Variants in LYRM4 observed in about 807,000 individuals in gnomAD.
LYRM4 encodes the protein LYR motif containing 4.
LYRM4 carries 9 observed loss-of-function variants against 11.7 expected under a neutral mutation model. The ratio of observed to expected loss-of-function variants is 0.77; its 90% confidence interval spans 0.46 to 1.34. LYRM4 has a LOEUF of 1.34. LYRM4 is among the 40% of genes most tolerant of loss of function. LYRM4 has a pLI of 0.00. For missense variants in LYRM4, 133 were observed against 112.5 expected (o/e 1.18, Z -0.82); for synonymous variants, 42 against 40.4 (o/e 1.04, Z -0.15).
chr6:5,188,149 A>T (rs1042498310), intron 2 of LYRM4, among the ~76,000 whole-genome samples: 1 of 152,236 alleles, frequency 6.6e-6, no homozygotes, highest in African/African-American at 2.4e-5. Flanking sequence ...CAGGAGTTTG[A>T]GACCAGCCTG....
intron 2 of LYRM4, among the ~76,000 whole-genome samples, chr6:5,138,448 T>C (rs960899491): frequency 5.1e-5 from 6 of 116,978 alleles, no homozygotes; most frequent in African/African-American, 2.0e-4. Context: ...TCATGCCAAC[T>C]GTACTTCAGC....
chr6:5,085,415 G>T, the LYRM4 span: 1 of 1,167,322 alleles, frequency 8.6e-7, no homozygotes, highest in Non-Finnish European at 1.2e-6. Flanking sequence ...CTCCTTCCAC[G>T]GCCCGAGGAG....
At chr6:5,218,587 A>G (rs367951782) in intron 1 of LYRM4, among the ~76,000 whole-genome samples, 1 of 152,236 alleles carries the variant, frequency 6.6e-6, no homozygotes, top group South Asian at 2.1e-4. Flanking sequence ...AATGTAAGAC[A>G]CTGCTGAGAC....
chr6:5,199,246 T>C (rs75178310), intron 2 of LYRM4, among the ~76,000 whole-genome samples: 3,622 of 152,292 alleles, frequency 0.024, 115 homozygotes, highest in African/African-American at 0.078. Flanking sequence ...TACTCTCTTA[T>C]GCTACAACAT....
the LYRM4 span, among the ~76,000 whole-genome samples, chr6:5,078,238 CTT>C: frequency 7.0e-5 from 10 of 142,198 alleles, no homozygotes; most frequent in Non-Finnish European, 6.2e-5. Context: ...CAGCTGGGTA[CTT>C]TTTTTTTTTT....
the LYRM4 span, among the ~76,000 whole-genome samples, chr6:5,073,309 A>G: frequency 1.3e-5 from 2 of 152,090 alleles, no homozygotes; most frequent in African/African-American, 4.8e-5. Context: ...AGTGGAGGTT[A>G]CAGTGAGCTG....
intron 2 of LYRM4, among the ~76,000 whole-genome samples, chr6:5,121,434 C>T (rs1026630106): frequency 2.6e-5 from 4 of 152,166 alleles, no homozygotes; most frequent in South Asian, 2.1e-4. Context: ...GCTACCTCCC[C>T]GACCCCTGAT....
At chr6:5,238,974 T>C (rs1480744640) in intron 1 of LYRM4, among the ~76,000 whole-genome samples, 1 of 152,264 alleles carries the variant, frequency 6.6e-6, no homozygotes, top group African/African-American at 2.4e-5. Flanking sequence ...CTGCTTCTGA[T>C]AACCCATTAT....
At chr6:5,138,175 AG>A (rs1757197108) in intron 2 of LYRM4, among the ~76,000 whole-genome samples, 1 of 152,166 alleles carries the variant, frequency 6.6e-6, no homozygotes, top group Non-Finnish European at 1.5e-5. Context: ...ATTTCTGCCA[AG>A]ATTTTATATA....
At chr6:5,070,222 C>T in the LYRM4 span, among the ~76,000 whole-genome samples, 1 of 152,130 alleles carries the variant, frequency 6.6e-6, no homozygotes, top group Non-Finnish European at 1.5e-5. Context: ...AAGCCAGACT[C>T]TAGGAAACTT....
chr6:5,231,547 A>G (rs945013286), intron 1 of LYRM4, among the ~76,000 whole-genome samples: 25 of 152,160 alleles, frequency 1.6e-4, no homozygotes, highest in Admixed American at 1.2e-3. Flanking sequence ...GAGTCTGTGA[A>G]TCACCTCCCT....
chr6:5,150,055 G>A (rs1242550073), intron 2 of LYRM4, among the ~76,000 whole-genome samples: 1 of 152,170 alleles, frequency 6.6e-6, no homozygotes, highest in African/African-American at 2.4e-5. Context: ...CCAAGTCCTC[G>A]CTGACATTCA....
intron 1 of LYRM4, among the ~76,000 whole-genome samples, chr6:5,249,977 T>G (rs1454380127): frequency 6.6e-6 from 1 of 152,216 alleles, no homozygotes; most frequent in Non-Finnish European, 1.5e-5. Flanking sequence ...AGGTTCATTA[T>G]AGCCATTTCA....
chr6:5,185,899 C>T (rs866641678), intron 2 of LYRM4, among the ~76,000 whole-genome samples: 2 of 151,950 alleles, frequency 1.3e-5, no homozygotes, highest in Admixed American at 6.6e-5. Flanking sequence ...GGCCAGCAGA[C>T]GAGACTGGGC....
chr6:5,119,889 A>G (rs1763342201), intron 2 of LYRM4, among the ~76,000 whole-genome samples: 1 of 150,308 alleles, frequency 6.7e-6, no homozygotes, highest in African/African-American at 2.4e-5. Context: ...GCATCATCAT[A>G]GGAAAGGGAA....
intron 2 of LYRM4, among the ~76,000 whole-genome samples, chr6:5,214,749 C>T (rs913576048): frequency 5.9e-5 from 9 of 152,196 alleles, no homozygotes; most frequent in African/African-American, 1.9e-4. Flanking sequence ...GCCCTAACTA[C>T]TGTAAAGGCT....
At chr6:5,221,648 C>T (rs762585291) in intron 1 of LYRM4, among the ~76,000 whole-genome samples, 6 of 152,184 alleles carry the variant, frequency 3.9e-5, no homozygotes, top group African/African-American at 9.7e-5. Context: ...GCCAAGATCG[C>T]GCCACTGCAC....
intron 2 of LYRM4, among the ~76,000 whole-genome samples, chr6:5,202,169 T>C (rs1019024146): frequency 9.2e-5 from 14 of 152,262 alleles, no homozygotes; most frequent in Non-Finnish European, 4.4e-5. Context: ...TATAATGAAT[T>C]TGTGTAAACA....
intron 1 of LYRM4, among the ~76,000 whole-genome samples, chr6:5,253,465 T>G (rs892108539): frequency 2.0e-5 from 3 of 152,182 alleles, no homozygotes; most frequent in Non-Finnish European, 4.4e-5. Flanking sequence ...TTATGTTTAT[T>G]TTACACTATG....
Sources: gnomAD v4.1 joint callset for allele counts (sites outside exome capture counted in the v4.1 genomes callset) on GRCh38, gnomAD v4.1.1 for gene constraint, MANE v1.5 for transcripts, NCBI Gene and HGNC (gene_info 2026-07-23, HGNC 2026-07-21) for gene names.